SEZ6: variants seen among roughly 807,000 people sequenced by gnomAD.
The protein encoded by SEZ6 is seizure protein 6 homolog.
Under a neutral mutation model 101.0 loss-of-function variants are expected in SEZ6, and 53 were observed. That is an observed-to-expected ratio of 0.52 (90% confidence interval 0.42 to 0.66). The LOEUF is 0.66. SEZ6 is among the 30% of genes least tolerant of loss of function. The pLI is 0.00. For missense variants in SEZ6, 1,102 were observed against 1,289.4 expected (o/e 0.85, Z 2.23); for synonymous variants, 488 against 512.2 (o/e 0.95, Z 0.64).
intron 4 of SEZ6, among the ~76,000 whole-genome samples, chr17:28,966,933 T>C (rs550543897): frequency 7.9e-5 from 12 of 152,294 alleles, no homozygotes; most frequent in African/African-American, 2.9e-4. Flanking sequence ...CTAGTTGTGC[T>C]TGGCAGGCAG....
intron 4 of SEZ6, among the ~76,000 whole-genome samples, chr17:28,967,100 G>A (rs1244386154): frequency 1.3e-5 from 2 of 152,182 alleles, no homozygotes. Flanking sequence ...TACATCCAAG[G>A]TTGTGGAGGT....
At chr17:28,960,183 A>C (rs1057371048) in intron 7 of SEZ6, 2 of 572,422 alleles carry the variant, frequency 3.5e-6, no homozygotes, top group African/African-American at 3.7e-5. Flanking sequence ...CAATGCATGC[A>C]TGCATAAATG....
intron 4 of SEZ6, among the ~76,000 whole-genome samples, chr17:28,969,474 CTGAA>C (rs971191517): frequency 6.6e-6 from 1 of 152,164 alleles, no homozygotes; most frequent in Non-Finnish European, 1.5e-5. Flanking sequence ...GAAAAGTTTG[CTGAA>C]TGAATGAATG....
chr17:28,970,747 T>C (rs2041140024), intron 3 of SEZ6, among the ~76,000 whole-genome samples: 1 of 152,218 alleles, frequency 6.6e-6, no homozygotes, highest in Non-Finnish European at 1.5e-5. Flanking sequence ...CTTAGATCTG[T>C]TGCTGATCAT....
At chr17:28,976,580 C>G (rs1400694062) in intron 3 of SEZ6, among the ~76,000 whole-genome samples, 3 of 152,180 alleles carry the variant, frequency 2.0e-5, no homozygotes, top group African/African-American at 7.2e-5. Flanking sequence ...GCCTGAGGAG[C>G]CATGGGGAGC....
At chr17:28,960,312 G>A in intron 7 of SEZ6, 193 bp downstream of exon 7, 2 of 732,324 alleles carry the variant, frequency 2.7e-6, no homozygotes, top group South Asian at 3.6e-5. Context: ...GAGGTTTCCT[G>A]CAAAGCTGTG....
At chr17:28,956,854 T>C in intron 13 of SEZ6, 97 bp from the exon 14 acceptor site, 4 of 1,474,682 alleles carry the variant, frequency 2.7e-6, no homozygotes, top group South Asian at 2.4e-5. Context: ...ATGGGAAGGA[T>C]TTGTCCAAGG....
At chr17:28,990,917 A>AT (rs1297254403) in intron 1 of SEZ6, among the ~76,000 whole-genome samples, 2 of 151,756 alleles carry the variant, frequency 1.3e-5, no homozygotes, top group Middle Eastern at 3.2e-3. Flanking sequence ...ATTAAAAAAA[A>AT]TTTTTTTTGA....
At position 28,969,946 on chromosome 17, in the gene SEZ6, T is replaced by G; in HGVS notation, c.865A>C (p.Asn289His). 1 of 1,535,714 alleles carries G rather than the reference T, an allele frequency of 6.5e-7. No homozygotes were observed. Residue 289 changes from asparagine (N) to histidine (H), a missense_variant, in exon 4 of 17, where the codon AAT becomes CAT. Asn to His is a moderately conservative substitution (Grantham distance 68). Transcript: ENST00000317338. The stretch of plus-strand genomic sequence containing the variant: ...GTCTCCCCTTCCCGGAGGCTGATAT[T>G]CTGGACCTGTCAGTAGAGTAGAGAG... Reference protein sequence around the residue: ...PGYGVEIKVQNISLREGETVT... With the variant: ...PGYGVEIKVQHISLREGETVT...
chr17:28,965,850 A>C (rs1018009216), intron 4 of SEZ6, among the ~76,000 whole-genome samples: 4 of 152,284 alleles, frequency 2.6e-5, no homozygotes, highest in Middle Eastern at 3.4e-3. Flanking sequence ...TGGTAGCTAA[A>C]AGGATCAACC....
In SEZ6 at chr17:28,955,473, A is replaced by G. The variant is rs917660302; in HGVS notation, c.*489T>C. 5 of 367,978 alleles carry G rather than the reference A, an allele frequency of 1.4e-5. No individual in the cohort carries two copies. Among genetic ancestry groups the G allele is most frequent in the Non-Finnish European group, 2.2e-5 (4 of 184,076 alleles). 22.8% of individuals were successfully genotyped at this position (367,978 alleles called of 1,614,324 possible). A position where few individuals can be genotyped will look rare whatever the true frequency, so the allele number is the denominator to read the frequency against. ...CCCAAGAGGCTGATGTTGGCATGCC[A>G]GGACTACCCAGAGGTCACCGTTGAG... On this transcript the variant is annotated 3_prime_UTR_variant, in exon 17 of 17. Transcript: ENST00000317338.
rs1297019349 is a variant in SEZ6, at chr17:28,956,004, G to A, written c.2953-10C>T. On this transcript the variant is annotated splice_polypyrimidine_tract_variant and intron_variant, in intron 16 of 16. Coordinates refer to ENST00000317338, the MANE Select transcript of SEZ6 (RefSeq NM_178860.5). ...CTGCAAAGGAAAGAGACTGCTGGGA[G>A]TTGGAAACTTGTATTAGGTTTGCCA... is the stretch of plus-strand genomic sequence containing the variant. 5 of 1,612,514 alleles carry A rather than the reference G, an allele frequency of 3.1e-6. No homozygotes were observed. Among genetic ancestry groups the A allele is most frequent in the Non-Finnish European group, 4.2e-6 (5 of 1,179,342 alleles).
At chr17:28,964,199 A>C in intron 4 of SEZ6, 52 bp from the exon 5 acceptor site, 25 of 1,468,318 alleles carry the variant, frequency 1.7e-5, no homozygotes, top group Middle Eastern at 1.7e-4. Context: ...TGGGGGCGGG[A>C]GCTGGGCCAT....
chr17:28,970,027 A>C (rs2041129005), intron 3 of SEZ6, 75 bp from the exon 4 acceptor site: 1 of 1,375,852 alleles, frequency 7.3e-7, no homozygotes, highest in Non-Finnish European at 9.6e-7. Context: ...CGCCCTCAGG[A>C]TCCTGCAGGC....
Position 28,964,047 on chromosome 17 carries a change from A to C in SEZ6, c.1155T>G (p.Thr385=). The C allele has an allele frequency of 6.2e-7, 1 of 1,611,086 alleles. No individual in the cohort carries two copies. The highest frequency in any genetic ancestry group is 8.5e-7 in the Non-Finnish European group (1 of 1,178,668). Residue 385 remains threonine (T), a synonymous_variant, in exon 5 of 17, where the codon ACT becomes ACG. Transcript: ENST00000317338. ...GCCTGGCGCCCTTCAGCTGGTAGCCAGTGGCACAATGGAAGCGGGCACTAC... is the reference window on the plus strand; with the variant it reads ...GCCTGGCGCCCTTCAGCTGGTAGCCCGTGGCACAATGGAAGCGGGCACTAC... The part of the protein sequence containing the change: ...PGGSARFHCA[T]GYQLKGARHL...
chr17:28,964,297 C>T, intron 4 of SEZ6, 150 bp from the exon 5 acceptor site: 4 of 790,978 alleles, frequency 5.1e-6, no homozygotes, highest in Non-Finnish European at 8.0e-6. Flanking sequence ...CTCCAATCTC[C>T]TCCCTAGAAG....
intron 3 of SEZ6, among the ~76,000 whole-genome samples, chr17:28,975,135 C>T (rs1331270151): frequency 1.3e-5 from 2 of 152,224 alleles, no homozygotes; most frequent in African/African-American, 4.8e-5. Flanking sequence ...AAAACCTTGG[C>T]ATTTGCAGCA....
chr17:28,977,377 C>T (rs985813382), intron 3 of SEZ6, among the ~76,000 whole-genome samples: 12 of 152,260 alleles, frequency 7.9e-5, no homozygotes, highest in African/African-American at 1.7e-4. Flanking sequence ...TCAGGCCGTC[C>T]GGGCCGACAG....
At chr17:28,983,921 T>C (rs2041344004) in intron 1 of SEZ6, among the ~76,000 whole-genome samples, 1 of 151,724 alleles carries the variant, frequency 6.6e-6, no homozygotes, top group Non-Finnish European at 1.5e-5. Context: ...CAGGAGACCA[T>C]AGCAGCTCTG....
Sources: gnomAD v4.1 joint callset for allele counts (sites outside exome capture counted in the v4.1 genomes callset) on GRCh38, gnomAD v4.1.1 for gene constraint, MANE v1.5 for transcripts, NCBI Gene and HGNC (gene_info 2026-07-23, HGNC 2026-07-21) for gene names.